Variants in NRCAM observed in about 807,000 individuals in gnomAD.
NRCAM encodes neuronal cell adhesion molecule, also known as NgCAM-related cell adhesion molecule.
Under a neutral mutation model 156.5 loss-of-function variants are expected in NRCAM, and 83 were observed. That is an observed-to-expected ratio of 0.53 (90% confidence interval 0.44 to 0.64). The LOEUF is 0.64. Ranked by LOEUF, NRCAM falls within the 30% of genes least tolerant of loss-of-function variation. The pLI, the probability that NRCAM is intolerant of heterozygous loss-of-function variation, is 0.00. For synonymous variants in NRCAM, 538 were observed against 563.9 expected (o/e 0.95, Z 0.65); for missense variants, 1,417 against 1,597.3 (o/e 0.89, Z 1.92).
chr7:108,393,525 C>A (rs1227847094), intron 2 of NRCAM, among the ~76,000 whole-genome samples: 2 of 152,164 alleles, frequency 1.3e-5, no homozygotes, highest in Non-Finnish European at 2.9e-5. Context: ...TGACCCCTTG[C>A]GCTTCCCAGG....
chr7:108,307,695 C>CAAGG (rs1563199244), intron 3 of NRCAM, among the ~76,000 whole-genome samples: 1 of 150,934 alleles, frequency 6.6e-6, no homozygotes, highest in African/African-American at 2.4e-5. Flanking sequence ...AAAAAAAAAC[C>CAAGG]CAAGCATCTA....
chr7:108,287,873 A>T (rs1239184634), intron 3 of NRCAM, among the ~76,000 whole-genome samples: 2 of 152,098 alleles, frequency 1.3e-5, no homozygotes, highest in Non-Finnish European at 2.9e-5. Context: ...CTAGATATCT[A>T]CCCAAAGGAA....
At position 108,419,987 on chromosome 7, in the gene NRCAM, T is replaced by C. The variant is rs919599373; in HGVS notation, c.-331-20394A>G. Among the ~76,000 whole-genome samples the C allele has an allele frequency of 4.6e-5, 7 of 152,094 alleles. 1 individual carries two copies. The South Asian group carries it at 1.5e-3, about 32-fold the overall frequency. On this transcript the variant is annotated intron_variant, in intron 1 of 32. Coordinates refer to ENST00000379028, the MANE Select transcript of NRCAM (RefSeq NM_001037132.4). The stretch of plus-strand genomic sequence containing the variant: ...ACACAGTCATCTTCTAGTTATTTGG[T>C]AGCAAACCAAGAATTTACAAATTTA...
chr7:108,452,429 G>GAAA (rs1563876613), intron 1 of NRCAM, among the ~76,000 whole-genome samples: 1 of 152,066 alleles, frequency 6.6e-6, no homozygotes, highest in Non-Finnish European at 1.5e-5. Flanking sequence ...AGAAACTTCA[G>GAAA]CCTTTGATCC....
At chr7:108,198,383 G>T (rs2076229121) in intron 13 of NRCAM, among the ~76,000 whole-genome samples, 1 of 151,582 alleles carries the variant, frequency 6.6e-6, no homozygotes, top group African/African-American at 2.4e-5. Context: ...CCATTCACTT[G>T]CCCCTTGTAT....
intron 30 of NRCAM, 89 bp downstream of exon 30, chr7:108,166,832 A>G (rs2054672798): frequency 1.6e-6 from 2 of 1,283,570 alleles, no homozygotes; most frequent in Non-Finnish European, 2.2e-6. Context: ...TACCCATAAC[A>G]CAGCTCCACC....
chr7:108,211,978 AC>A (rs1361937990), intron 11 of NRCAM, among the ~76,000 whole-genome samples: 1 of 152,112 alleles, frequency 6.6e-6, no homozygotes, highest in Non-Finnish European at 1.5e-5. Context: ...AAACCTAAGA[AC>A]CCTCACAGAG....
intron 2 of NRCAM, among the ~76,000 whole-genome samples, chr7:108,360,883 TA>T (rs1194726231): frequency 6.6e-6 from 1 of 152,078 alleles, no homozygotes; most frequent in Non-Finnish European, 1.5e-5. Flanking sequence ...GCTAAAACCA[TA>T]AAACTATTAG....
At position 108,334,853 on chromosome 7, in the gene NRCAM, T is replaced by TA. The variant is rs1475815862; in HGVS notation, c.-173-22123dup. The stretch of plus-strand genomic sequence containing the variant: ...GCAGTAATAAAATGGTATGCCCTGA[T>TA]ATATCTAATATTTTAGATAAGATGA... On this transcript the variant is annotated intron_variant, in intron 2 of 32. Coordinates refer to ENST00000379028, the MANE Select transcript of NRCAM (RefSeq NM_001037132.4). Among the ~76,000 whole-genome samples the TA allele has an allele frequency of 4.6e-5, 7 of 152,298 alleles. No homozygotes were observed. The East Asian group carries it at 1.3e-3, about 29-fold the overall frequency.
At chr7:108,456,213 T>A (rs1261848222) in intron 1 of NRCAM, 30 bp downstream of exon 1, 2 of 152,450 alleles carry the variant, frequency 1.3e-5, no homozygotes, top group Admixed American at 6.5e-5. Context: ...GGACCCAGTG[T>A]CACCGCCAGA....
chr7:108,269,738 T>C (rs1183509441), intron 3 of NRCAM, among the ~76,000 whole-genome samples: 4 of 152,248 alleles, frequency 2.6e-5, no homozygotes, highest in Non-Finnish European at 5.9e-5. Flanking sequence ...AATGCCTATA[T>C]GCCCAAATCA....
intron 2 of NRCAM, among the ~76,000 whole-genome samples, chr7:108,330,642 A>G (rs1405303094): frequency 6.6e-6 from 1 of 152,150 alleles, no homozygotes; most frequent in Non-Finnish European, 1.5e-5. Flanking sequence ...AAGAATGGGT[A>G]CCGTCCCACC....
chr7:108,168,588 A>G (rs751762906), intron 28 of NRCAM, among the ~76,000 whole-genome samples, 186 bp from the exon 29 acceptor site: 1 of 152,198 alleles, frequency 6.6e-6, no homozygotes, highest in Non-Finnish European at 1.5e-5. Flanking sequence ...ATTCAGCACT[A>G]GGAAATTAAT....
chr7:108,368,224 A>ACCCCCCCCCCCC (rs67897117), intron 2 of NRCAM, among the ~76,000 whole-genome samples: 205 of 90,990 alleles, frequency 2.3e-3, no homozygotes, highest in African/African-American at 2.8e-3. Flanking sequence ...ACACTTTCAT[A>ACCCCCCCCCCCC]CCCCCCCCCA....
chr7:108,346,935 T>C (rs2099359658), intron 2 of NRCAM, among the ~76,000 whole-genome samples: 1 of 151,422 alleles, frequency 6.6e-6, no homozygotes, highest in African/African-American at 2.4e-5. Context: ...GGTTAAACAA[T>C]AAACATTAAA....
At chr7:108,316,751 T>C (rs1593068407) in intron 2 of NRCAM, among the ~76,000 whole-genome samples, 1 of 150,218 alleles carries the variant, frequency 6.7e-6, no homozygotes. Flanking sequence ...ATCACACCAC[T>C]GCACTCCAGC....
chr7:108,399,602 G>C lies in NRCAM; in HGVS notation c.-331-9C>G, dbSNP rs1009325400. ...GAATGTCACAAAGATTCCTGAAAAAGAAAAAAAGTAACACAGGACAATGTA... is the reference window on the plus strand; with the variant it reads ...GAATGTCACAAAGATTCCTGAAAAACAAAAAAAGTAACACAGGACAATGTA... On this transcript the variant is annotated splice_polypyrimidine_tract_variant and intron_variant, in intron 1 of 32. Transcript: ENST00000379028. 1 of 151,940 alleles carries C rather than the reference G, an allele frequency of 6.6e-6. No individual in the cohort carries two copies. The highest frequency in any genetic ancestry group is 1.5e-5 in the Non-Finnish European group (1 of 67,942). The allele number at this position is 151,940 out of a possible 1,614,324, so 9.4% of individuals were successfully genotyped here.
intron 20 of NRCAM, among the ~76,000 whole-genome samples, chr7:108,187,580 T>C (rs2067750919): frequency 6.6e-6 from 1 of 152,178 alleles, no homozygotes; most frequent in Non-Finnish European, 1.5e-5. Flanking sequence ...CCTAAACACA[T>C]ATAAACACAG....
chr7:108,263,345 T>C (rs1196887757), intron 3 of NRCAM, among the ~76,000 whole-genome samples: 2 of 152,240 alleles, frequency 1.3e-5, no homozygotes, highest in Non-Finnish European at 2.9e-5. Flanking sequence ...TCTCCAAGTG[T>C]GGGATGAGAA....
Sources: gnomAD v4.1 joint callset for allele counts (sites outside exome capture counted in the v4.1 genomes callset) on GRCh38, gnomAD v4.1.1 for gene constraint, MANE v1.5 for transcripts, NCBI Gene and HGNC (gene_info 2026-07-23, HGNC 2026-07-21) for gene names.